Variants in NR1H4 observed in about 807,000 individuals in gnomAD.
NR1H4 encodes nuclear receptor subfamily 1 group H member 4.
In NR1H4, 23 loss-of-function variants were observed where a neutral mutation model predicts 58.5. The ratio of observed to expected loss-of-function variants is 0.39; its 90% CI spans 0.28 to 0.56. The LOEUF (loss-of-function observed/expected upper bound fraction) is 0.56, where lower values mean the gene tolerates loss of function less well. Among genes scored for constraint, NR1H4 ranks in the 20% least tolerant of loss-of-function variants. NR1H4 has a pLI of 0.58. For missense variants in NR1H4, 487 were observed against 576.9 expected (o/e 0.84, Z 1.60); for synonymous variants, 214 against 198.0 (o/e 1.08, Z -0.68).
At chr12:100,517,368 T>C (rs1160538914) in intron 4 of NR1H4, among the ~76,000 whole-genome samples, 1 of 152,240 alleles carries the variant, frequency 6.6e-6, no homozygotes, top group Non-Finnish European at 1.5e-5. Context: ...GATTTCATTC[T>C]TTTTTATGGC....
intron 3 of NR1H4, among the ~76,000 whole-genome samples, chr12:100,495,071 A>G (rs1195592109): frequency 2.0e-5 from 3 of 152,242 alleles, no homozygotes; most frequent in African/African-American, 7.2e-5. Flanking sequence ...AGAAAAAGCC[A>G]CGAAGATGCC....
chr12:100,503,339 TCTCA>T, intron 3 of NR1H4: 1 of 1,574,282 alleles, frequency 6.4e-7, no homozygotes, highest in South Asian at 1.1e-5. Context: ...CTCTGTCCTC[TCTCA>T]CTCCTTACCT....
chr12:100,511,500 T>C (rs1954115181), intron 4 of NR1H4, among the ~76,000 whole-genome samples: 1 of 152,342 alleles, frequency 6.6e-6, no homozygotes, highest in East Asian at 1.9e-4. Flanking sequence ...GATGAACACA[T>C]CTCTTTTAAA....
At chr12:100,486,452 A>G (rs2136087914) in intron 1 of NR1H4, among the ~76,000 whole-genome samples, 1 of 152,324 alleles carries the variant, frequency 6.6e-6, no homozygotes, top group South Asian at 2.1e-4. Context: ...CATATAGGGG[A>G]AAAATCTATA....
At chr12:100,500,340 C>G (rs1162431670) in intron 3 of NR1H4, among the ~76,000 whole-genome samples, 1 of 152,078 alleles carries the variant, frequency 6.6e-6, no homozygotes, top group Non-Finnish European at 1.5e-5. Context: ...TAGCTGATGC[C>G]CCACTCAGCG....
At chr12:100,523,968 G>C (rs1954491848) in intron 4 of NR1H4, among the ~76,000 whole-genome samples, 1 of 151,956 alleles carries the variant, frequency 6.6e-6, no homozygotes, top group Non-Finnish European at 1.5e-5. Flanking sequence ...AAAAGATTAA[G>C]AAATATAAAA....
intron 1 of NR1H4, among the ~76,000 whole-genome samples, chr12:100,488,226 C>T (rs1376196343): frequency 6.6e-6 from 1 of 152,092 alleles, no homozygotes; most frequent in African/African-American, 2.4e-5. Context: ...TCTTGAACTC[C>T]CGACCTCAAG....
At chr12:100,510,720 C>T in intron 3 of NR1H4, 58 bp from the exon 4 acceptor site, 25 of 1,603,148 alleles carry the variant, frequency 1.6e-5, no homozygotes, top group Middle Eastern at 3.3e-4. Context: ...CGCCAAACTG[C>T]CTCTCTAATT....
intron 3 of NR1H4, among the ~76,000 whole-genome samples, chr12:100,510,517 T>A (rs977709818): frequency 6.6e-6 from 1 of 151,204 alleles, no homozygotes; most frequent in African/African-American, 2.4e-5. Context: ...ATTTTCTTAT[T>A]GGTTTTCAGG....
intron 1 of NR1H4, among the ~76,000 whole-genome samples, chr12:100,474,368 T>C (rs1953223647): frequency 6.6e-6 from 1 of 152,250 alleles, no homozygotes; most frequent in African/African-American, 2.4e-5. Context: ...GTCTCCGTTC[T>C]GATTCCATAA....
intron 9 of NR1H4, among the ~76,000 whole-genome samples, chr12:100,545,218 T>C (rs1011831003): frequency 6.6e-6 from 1 of 152,016 alleles, no homozygotes; most frequent in African/African-American, 2.4e-5. Flanking sequence ...ACTGGGTTAG[T>C]ACCAGATTCC....
intron 4 of NR1H4, among the ~76,000 whole-genome samples, chr12:100,531,175 G>C (rs1386069474): frequency 6.6e-6 from 1 of 152,238 alleles, no homozygotes; most frequent in African/African-American, 2.4e-5. Context: ...TTCAGATGAG[G>C]CTGGGCGTGG....
intron 9 of NR1H4, among the ~76,000 whole-genome samples, chr12:100,555,449 C>G (rs1299986722): frequency 1.3e-5 from 2 of 152,150 alleles, no homozygotes; most frequent in Non-Finnish European, 2.9e-5. Context: ...CAGTAATTTG[C>G]AGAATTTGTT....
chr12:100,537,074 A>G (rs369172461), intron 8 of NR1H4, 27 bp downstream of exon 8: 1 of 1,367,228 alleles, frequency 7.3e-7, no homozygotes, highest in African/African-American at 1.4e-5. Flanking sequence ...CAAAGTTAAT[A>G]TTTATTGAGA....
intron 4 of NR1H4, among the ~76,000 whole-genome samples, chr12:100,515,742 G>A (rs1009907344): frequency 6.6e-6 from 1 of 152,174 alleles, no homozygotes; most frequent in African/African-American, 2.4e-5. Context: ...TTTACATATC[G>A]TGTAATGGCA....
Position 100,497,242 on chromosome 12 carries a change from G to A in NR1H4, c.79+3840G>A, listed in dbSNP as rs577063662. On this transcript the variant is annotated intron_variant, in intron 3 of 10. Coordinates refer to ENST00000392986, the MANE Select transcript of NR1H4 (RefSeq NM_001206979.2). Reference sequence around the variant, plus strand: ...TCACCCCAGGGGGCATTAATTCCCCGCACTTCTGGACTGTTTTTGAGCTCA... The same window carrying A: ...TCACCCCAGGGGGCATTAATTCCCCACACTTCTGGACTGTTTTTGAGCTCA... Among the ~76,000 whole-genome samples, 15 of 152,194 alleles carry A rather than the reference G, an allele frequency of 9.9e-5. No individual in the cohort carries two copies. In the South Asian group the frequency reaches 2.5e-3, roughly 25 times the overall value.
At chr12:100,494,541 A>G (rs999639449) in intron 3 of NR1H4, among the ~76,000 whole-genome samples, 3 of 152,238 alleles carry the variant, frequency 2.0e-5, no homozygotes, top group Admixed American at 6.5e-5. Context: ...TAGAGAGACC[A>G]AAGGCGGCAG....
chr12:100,490,569 C>T (rs1953584472), intron 1 of NR1H4, among the ~76,000 whole-genome samples: 1 of 152,082 alleles, frequency 6.6e-6, no homozygotes, highest in Non-Finnish European at 1.5e-5. Flanking sequence ...ATAGGAGAAA[C>T]TCTAGAACAA....
chr12:100,534,235 T>C (rs1432805930), intron 5 of NR1H4, among the ~76,000 whole-genome samples: 1 of 152,256 alleles, frequency 6.6e-6, no homozygotes, highest in African/African-American at 2.4e-5. Context: ...GTTGATTGTA[T>C]GATCATTCAA....
Sources: allele counts gnomAD v4.1 joint callset (sites outside exome capture counted in the v4.1 genomes callset), GRCh38; gene constraint gnomAD v4.1.1; transcripts MANE v1.5; gene names NCBI Gene and HGNC (gene_info 2026-07-23, HGNC 2026-07-21).